Variants in NCALD observed in about 807,000 individuals in gnomAD.
NCALD encodes neurocalcin delta.
In NCALD, 10 loss-of-function variants were observed where a neutral mutation model predicts 18.6. That is an observed-to-expected ratio of 0.54 (90% CI 0.33 to 0.91). The LOEUF (loss-of-function observed/expected upper bound fraction) is 0.91. Ranked by LOEUF, NCALD falls within the 40% of genes least tolerant of loss-of-function variation. The pLI is 0.03. For missense variants in NCALD, 184 were observed against 247.6 expected (o/e 0.74, Z 1.72); for synonymous variants, 88 against 87.4 (o/e 1.01, Z -0.04).
chr8:101,974,082 A>G (rs1820335694), intron 2 of NCALD, among the ~76,000 whole-genome samples: 1 of 152,012 alleles, frequency 6.6e-6, no homozygotes, highest in Non-Finnish European at 1.5e-5. Context: ...ACAAGTGGCC[A>G]GGGGCAAGAA....
rs868218815 is a variant in NCALD at position 101,874,465 on chromosome 8, G to T, written c.-20+12676C>A. Among the ~76,000 whole-genome samples, 11 of 152,122 alleles carry T rather than the reference G, an allele frequency of 7.2e-5. No homozygotes were observed. The South Asian group carries it at 2.1e-3, about 29-fold the overall frequency. On this transcript the variant is annotated intron_variant, in intron 4 of 6. Coordinates refer to the NCALD transcript ENST00000311028. ...AGCTGGGCTGTGATGGCCTCTTTCA[G>T]CATTTCCCACACTTCTGCTATATCC...
intron 1 of NCALD, among the ~76,000 whole-genome samples, chr8:102,064,522 G>A (rs59916025): frequency 0.06 from 9,142 of 152,190 alleles, 642 homozygotes; most frequent in African/African-American, 0.17. Flanking sequence ...CAGTTCTTTC[G>A]TTCTTTGTAT....
chr8:102,028,924 C>G (rs1822564491), intron 1 of NCALD: 1 of 152,094 alleles, frequency 6.6e-6, no homozygotes, highest in South Asian at 2.1e-4. Context: ...GTTGTCACCC[C>G]AGAGTGGTGA....
At chr8:102,076,741 T>A (rs1003812322) in intron 1 of NCALD, among the ~76,000 whole-genome samples, 6 of 152,190 alleles carry the variant, frequency 3.9e-5, no homozygotes, top group African/African-American at 1.4e-4. Context: ...GTAACTATAA[T>A]TACCTAAATA....
chr8:101,781,644 C>T (rs967349524), intron 1 of NCALD, among the ~76,000 whole-genome samples: 16 of 152,164 alleles, frequency 1.1e-4, no homozygotes, highest in Admixed American at 6.6e-4. Context: ...AACATATCAC[C>T]GATTCAATTT....
intron 1 of NCALD, among the ~76,000 whole-genome samples, chr8:102,076,930 C>G (rs1471243323): frequency 6.6e-6 from 1 of 152,220 alleles, no homozygotes; most frequent in Admixed American, 6.5e-5. Flanking sequence ...CCGTGACTCA[C>G]ACCTGCACAG....
intron 1 of NCALD, among the ~76,000 whole-genome samples, chr8:101,776,226 C>A (rs985852721): frequency 1.3e-5 from 2 of 152,136 alleles, no homozygotes; most frequent in Non-Finnish European, 2.9e-5. Context: ...GGCCTGTGAT[C>A]AAAAGCACAT....
intron 2 of NCALD, chr8:101,950,425 G>T (rs923949712): frequency 5.9e-5 from 9 of 152,224 alleles, no homozygotes; most frequent in African/African-American, 1.9e-4. Context: ...AAAGCAAGAA[G>T]ATTCATTGGA....
chr8:101,692,951 G>T, intron 2 of NCALD, 55 bp from the exon 3 acceptor site: 1 of 1,316,028 alleles, frequency 7.6e-7, no homozygotes, highest in Non-Finnish European at 1.1e-6. Flanking sequence ...GCACACAATA[G>T]ACCTATCATT....
At chr8:101,713,267 A>T (rs1190309495) in intron 2 of NCALD, among the ~76,000 whole-genome samples, 3 of 152,226 alleles carry the variant, frequency 2.0e-5, no homozygotes, top group Non-Finnish European at 4.4e-5. Flanking sequence ...TCTGGGACAC[A>T]GCTACAGCAG....
At chr8:102,087,107 TTCA>T (rs1295595637) in intron 1 of NCALD, among the ~76,000 whole-genome samples, 3 of 152,230 alleles carry the variant, frequency 2.0e-5, no homozygotes, top group Non-Finnish European at 2.9e-5. Flanking sequence ...GTAGCCATTC[TTCA>T]TTTCTTTACT....
At chr8:101,710,724 C>T (rs1351076788) in intron 2 of NCALD, among the ~76,000 whole-genome samples, 1 of 152,242 alleles carries the variant, frequency 6.6e-6, no homozygotes, top group Non-Finnish European at 1.5e-5. Flanking sequence ...GATTCTTCCT[C>T]TCTGGGCAGG....
chr8:102,061,265 G>A (rs747144161), intron 1 of NCALD, among the ~76,000 whole-genome samples: 1 of 152,146 alleles, frequency 6.6e-6, no homozygotes, highest in Non-Finnish European at 1.5e-5. Context: ...AGCCCCCCAG[G>A]GTGAATGGAT....
At chr8:101,766,086 CG>C (rs1425183697) in intron 1 of NCALD, among the ~76,000 whole-genome samples, 1 of 152,110 alleles carries the variant, frequency 6.6e-6, no homozygotes, top group Non-Finnish European at 1.5e-5. Context: ...TCCTTATTTT[CG>C]TTATTCTTAA....
At chr8:101,887,921 C>T (rs1279968372) in intron 3 of NCALD, among the ~76,000 whole-genome samples, 2 of 152,134 alleles carry the variant, frequency 1.3e-5, no homozygotes, top group African/African-American at 4.8e-5. Flanking sequence ...TACAGGTATT[C>T]TTTGTGAATT....
At chr8:101,725,183 C>T (rs943259261) in intron 1 of NCALD, among the ~76,000 whole-genome samples, 1 of 152,194 alleles carries the variant, frequency 6.6e-6, no homozygotes, top group Non-Finnish European at 1.5e-5. Context: ...CCAAATGTTA[C>T]ATTTTTGGCC....
At chr8:102,026,381 T>C (rs554598354) in intron 1 of NCALD, among the ~76,000 whole-genome samples, 2 of 152,106 alleles carry the variant, frequency 1.3e-5, no homozygotes, top group Non-Finnish European at 2.9e-5. Flanking sequence ...AGGAATTGGG[T>C]AAATGCACCC....
intron 2 of NCALD, among the ~76,000 whole-genome samples, chr8:101,919,523 G>A (rs1818089220): frequency 6.6e-6 from 1 of 151,858 alleles, no homozygotes; most frequent in South Asian, 2.1e-4. Context: ...AACAAAAACT[G>A]ACAAATAAGA....
intron 3 of NCALD, among the ~76,000 whole-genome samples, chr8:101,903,880 G>T (rs145765486): frequency 6.6e-6 from 1 of 152,216 alleles, no homozygotes; most frequent in African/African-American, 2.4e-5. Context: ...CTGTATATCT[G>T]TGAGTCCCTG....
Sources: allele counts gnomAD v4.1 joint callset (sites outside exome capture counted in the v4.1 genomes callset), GRCh38; gene constraint gnomAD v4.1.1; transcripts MANE v1.5; gene names NCBI Gene and HGNC (gene_info 2026-07-23, HGNC 2026-07-21).